The following OVCA2 variants were observed in gnomAD, a reference collection of about 807,000 sequenced individuals.
The protein encoded by OVCA2 is esterase OVCA2.
Under a neutral mutation model 10.1 loss-of-function variants are expected in OVCA2, and 14 were observed. The observed-to-expected ratio is 1.39, with a 90% CI of 0.92 to 2.17. The LOEUF (loss-of-function observed/expected upper bound fraction) is 2.17, where lower values mean the gene tolerates loss of function less well. Among genes scored for constraint, OVCA2 ranks in the 30% most tolerant of loss-of-function variants. The probability of loss-of-function intolerance (pLI) is 0.00; values close to 1 mark genes in which losing one functional copy is unlikely to be tolerated. For synonymous variants in OVCA2, 201 were observed against 134.1 expected (o/e 1.50, Z -3.45); for missense variants, 376 against 300.5 (o/e 1.25, Z -1.86).
Position 2,042,844 on chromosome 17 carries a change from C to G in OVCA2, c.424C>G (p.Pro142Ala). Residue 142 changes from proline to alanine, a missense_variant, in exon 2 of 2, where the codon CCA (proline) becomes GCA (alanine). Coordinates refer to ENST00000572195, the MANE Select transcript of OVCA2 (RefSeq NM_080822.3). ...GQAGDPRFPL[P>A]RFILLVSGFC... ...GGCAGGCGATCCCCGCTTCCCCTTG[C>G]CACGGTTTATCCTCTTGGTGTCTGG... 1 of 1,614,160 alleles carries G rather than the reference C, an allele frequency of 6.2e-7. No individual in the cohort carries two copies. Among genetic ancestry groups the G allele is most frequent in the Non-Finnish European group, 8.5e-7 (1 of 1,180,026 alleles).
intron 1 of OVCA2, 124 bp from the exon 2 acceptor site, chr17:2,042,481 C>G: frequency 7.2e-7 from 1 of 1,397,082 alleles, no homozygotes; most frequent in Non-Finnish European, 9.4e-7. Flanking sequence ...CTCATTTCCC[C>G]CAGACTTTTG....
rs1483308444 is a variant in OVCA2 at position 2,042,147 on chromosome 17, C to T, written c.100C>T (p.Arg34Trp). 3 of 1,521,606 alleles carry T rather than the reference C, an allele frequency of 2.0e-6. No homozygotes were observed. The highest frequency in any genetic ancestry group is 1.2e-5 in the South Asian group (1 of 82,500). The allele number at this position is 1,521,606 out of a possible 1,614,324, so 94.3% of individuals were successfully genotyped here. ...EKTGALRKAL[R>W]GRAELVCLSG... ...GACCGGGGCGCTGAGGAAGGCGCTG[C>T]GGGGTCGCGCCGAGCTCGTGTGCCT... Residue 34 changes from arginine to tryptophan, a missense_variant, in exon 1 of 2, where the codon CGG (arginine) becomes TGG (tryptophan). Physicochemically the swap from Arg to Trp is moderately radical, Grantham distance 101. Transcript: ENST00000572195.
Position 2,042,139 on chromosome 17 carries a change from A to G in OVCA2, c.92A>G (p.Lys31Arg). 6.5e-7 allele frequency: 1 copy of G among 1,545,828 alleles called. No homozygotes were observed. Among genetic ancestry groups the G allele is most frequent in the Non-Finnish European group, 8.7e-7 (1 of 1,155,662 alleles). ...GFREKTGALRKALRGRAELVC... is the reference protein window; with the variant it reads ...GFREKTGALRRALRGRAELVC... ...CGTGAGAAGACCGGGGCGCTGAGGA[A>G]GGCGCTGCGGGGTCGCGCCGAGCTC... The change falls in exon 1 of 2, where the codon AAG becomes AGG. Residue 31 changes from lysine (K) to arginine (R), a missense_variant. Lys to Arg is a conservative substitution (Grantham distance 26, BLOSUM62 2). Coordinates refer to ENST00000572195, the MANE Select transcript of OVCA2 (RefSeq NM_080822.3).
chr17:2,043,169 C>T lies in OVCA2; in HGVS notation c.*65C>T, dbSNP rs548384013. 9.8e-6 allele frequency: 15 copies of T among 1,536,880 alleles called. No individual in the cohort carries two copies. The Admixed American group carries it at 1.1e-4, about 11-fold the overall frequency. Reference sequence around the variant, plus strand: ...TAGGGGCAGCCTCCGTCATCCATGCCCTCCCAGGACCCTCCACTCACTGCT... The same window carrying T: ...TAGGGGCAGCCTCCGTCATCCATGCTCTCCCAGGACCCTCCACTCACTGCT... On this transcript the variant is annotated 3_prime_UTR_variant, in exon 2 of 2. Transcript: ENST00000572195.
Position 2,042,104 on chromosome 17 carries a change from G to A in OVCA2, c.57G>A (p.Glu19=). ...VLCLAGFRQS[E]RGFREKTGAL... ...GCCTGGCGGGCTTCCGGCAGAGCGA[G>A]CGGGGCTTCCGTGAGAAGACCGGGG... is the stretch of plus-strand genomic sequence containing the variant. The change falls in exon 1 of 2, where the codon GAG becomes GAA. Residue 19 remains glutamate (E), a synonymous_variant. Transcript: ENST00000572195. The A allele has an allele frequency of 6.4e-7, 1 of 1,569,608 alleles. No individual in the cohort carries two copies. The highest frequency in any genetic ancestry group is 1.4e-5 in the African/African-American group (1 of 72,758).
Position 2,042,667 on chromosome 17 carries a change from T to TTC in OVCA2, c.250_251dup (p.Ala85ProfsTer23), listed in dbSNP as rs769401985. The stretch of plus-strand genomic sequence containing the variant: ...GTTTTCAGAGCAGGAGGCCGACGTT[T>TTC]TCTCCGCATTGGAAGAGCCCGCCGT... On this transcript the variant is annotated frameshift_variant, in exon 2 of 2. Transcript: ENST00000572195. LOFTEE classifies it high-confidence loss of function. 13 of 1,524,680 alleles carry TTC rather than the reference T, an allele frequency of 8.5e-6. No individual in the cohort carries two copies. In the East Asian group the frequency reaches 2.9e-4, roughly 34 times the overall value. The allele number at this position is 1,524,680 out of a possible 1,614,324, so 94.4% of individuals were successfully genotyped here. A position where few individuals can be genotyped will look rare whatever the true frequency, so the allele number is the denominator to read the frequency against.
In OVCA2 at chr17:2,043,377, C is replaced by G; in HGVS notation, c.*273C>G. 2.4e-6 allele frequency: 1 copy of G among 420,038 alleles called. No individual in the cohort carries two copies. The highest frequency in any genetic ancestry group is 2.0e-5 in the African/African-American group (1 of 50,036). The allele number at this position is 420,038 out of a possible 1,614,324, so 26.0% of individuals were successfully genotyped here. On this transcript the variant is annotated 3_prime_UTR_variant, in exon 2 of 2. Transcript: ENST00000572195. Reference sequence around the variant, plus strand: ...GATTAGGAGGGTGACATGGGGAAGGCAGAGGCTGGCACCATGGTGACTGCC... The same window carrying G: ...GATTAGGAGGGTGACATGGGGAAGGGAGAGGCTGGCACCATGGTGACTGCC...
chr17:2,042,855 C>G lies in OVCA2; in HGVS notation c.435C>G (p.Ile145Met). The G allele has an allele frequency of 1.2e-6, 2 of 1,614,168 alleles. No homozygotes were observed. Among genetic ancestry groups the G allele is most frequent in the Non-Finnish European group, 1.7e-6 (2 of 1,180,022 alleles). Residue 145 changes from isoleucine to methionine, a missense_variant, in exon 2 of 2, where the codon ATC becomes ATG. Coordinates refer to ENST00000572195, the MANE Select transcript of OVCA2 (RefSeq NM_080822.3). The part of the protein sequence containing the change: ...GDPRFPLPRF[I>M]LLVSGFCPRG... The stretch of plus-strand genomic sequence containing the variant: ...CCCGCTTCCCCTTGCCACGGTTTAT[C>G]CTCTTGGTGTCTGGTTTCTGTCCCC...
intron 1 of OVCA2, 140 bp from the exon 2 acceptor site, chr17:2,042,465 C>G: frequency 1.5e-6 from 2 of 1,310,394 alleles, no homozygotes; most frequent in Non-Finnish European, 2.0e-6. Flanking sequence ...CACTCATTTC[C>G]CCCCTCTCAT....
In OVCA2 at chr17:2,042,632, G is replaced by C; in HGVS notation, c.212G>C (p.Arg71Pro). ...TCCTGCCCTCCGGAGGAGCAGCCTC[G>C]AGGCTGGTGGTTTTCAGAGCAGGAG... The part of the protein sequence containing the change: ...FGSCPPEEQP[R>P]GWWFSEQEAD... Residue 71 changes from arginine (R) to proline (P), a missense_variant, in exon 2 of 2, where the codon CGA becomes CCA. By Grantham distance (103) the Arg-to-Pro change is moderately radical (BLOSUM62 -2). Coordinates refer to ENST00000572195, the MANE Select transcript of OVCA2 (RefSeq NM_080822.3). The C allele has an allele frequency of 6.6e-7, 1 of 1,519,216 alleles. No homozygotes were observed. Among genetic ancestry groups the C allele is most frequent in the Non-Finnish European group, 8.8e-7 (1 of 1,136,382 alleles). 94.1% of individuals were successfully genotyped at this position (1,519,216 alleles called of 1,614,324 possible).
chr17:2,042,332 C>T (rs2151358041), intron 1 of OVCA2, 101 bp downstream of exon 1: 2 of 1,371,876 alleles, frequency 1.5e-6, no homozygotes, highest in South Asian at 1.6e-5. Context: ...CACCCGCATT[C>T]CTCCCACCCA....
Position 2,042,854 on chromosome 17 carries a change from T to C in OVCA2, c.434T>C (p.Ile145Thr). 4.3e-6 allele frequency: 7 copies of C among 1,614,142 alleles called. No homozygotes were observed. The South Asian group carries it at 7.7e-5, about 18-fold the overall frequency. ...GDPRFPLPRF[I>T]LLVSGFCPRG... ...CCCCGCTTCCCCTTGCCACGGTTTA[T>C]CCTCTTGGTGTCTGGTTTCTGTCCC... Residue 145 changes from isoleucine (I) to threonine (T), a missense_variant, in exon 2 of 2, where the codon ATC (isoleucine) becomes ACC (threonine). By Grantham distance (89) the Ile-to-Thr change is moderately conservative. Coordinates refer to ENST00000572195, the MANE Select transcript of OVCA2 (RefSeq NM_080822.3).
chr17:2,043,387 C>T lies in OVCA2; in HGVS notation c.*283C>T. On this transcript the variant is annotated 3_prime_UTR_variant, in exon 2 of 2. Transcript: ENST00000572195. ...GTGACATGGGGAAGGCAGAGGCTGGCACCATGGTGACTGCCACATAATAAA... is the reference window on the plus strand; with the variant it reads ...GTGACATGGGGAAGGCAGAGGCTGGTACCATGGTGACTGCCACATAATAAA... 1 of 388,460 alleles carries T rather than the reference C, an allele frequency of 2.6e-6. No individual in the cohort carries two copies. Among genetic ancestry groups the T allele is most frequent in the Non-Finnish European group, 4.6e-6 (1 of 216,238 alleles). The allele number at this position is 388,460 out of a possible 1,614,324, so 24.1% of individuals were successfully genotyped here.
Position 2,042,652 on chromosome 17 carries a change from C to T in OVCA2, c.232C>T (p.Gln78Ter), listed in dbSNP as rs1567550124. The change falls in exon 2 of 2, where the codon CAG (glutamine) becomes TAG (stop). Residue 78 changes from glutamine (Q) to a stop codon, truncating the protein, a stop_gained. Coordinates refer to ENST00000572195, the MANE Select transcript of OVCA2 (RefSeq NM_080822.3). LOFTEE classifies it high-confidence loss of function. Reference sequence around the variant, plus strand: ...GCCTCGAGGCTGGTGGTTTTCAGAGCAGGAGGCCGACGTTTTCTCCGCATT... The same window carrying T: ...GCCTCGAGGCTGGTGGTTTTCAGAGTAGGAGGCCGACGTTTTCTCCGCATT... ...EQPRGWWFSE[Q>*]EADVFSALEE... 4 of 1,524,338 alleles carry T rather than the reference C, an allele frequency of 2.6e-6. No individual in the cohort carries two copies. Among genetic ancestry groups the T allele is most frequent in the East Asian group, 2.3e-5 (1 of 44,252 alleles). The allele number at this position is 1,524,338 out of a possible 1,614,324, so 94.4% of individuals were successfully genotyped here. A position where few individuals can be genotyped will look rare whatever the true frequency, so the allele number is the denominator to read the frequency against.
At position 2,043,035 on chromosome 17, in the gene OVCA2, C is replaced by CCACTT; in HGVS notation, c.618_622dup (p.Ile208ThrfsTer54). On this transcript the variant is annotated frameshift_variant, in exon 2 of 2. Transcript: ENST00000572195. LOFTEE classifies it high-confidence loss of function. ...CCATCACCCTCACCCACTCTGGTGG[C>CCACTT]CACTTCATTCCAGCAGCTGCACCCC... 6.2e-7 allele frequency: 1 copy of CCACTT among 1,614,060 alleles called. No homozygotes were observed. Among genetic ancestry groups the CCACTT allele is most frequent in the Non-Finnish European group, 8.5e-7 (1 of 1,180,014 alleles).
In OVCA2 at chr17:2,043,215, C is replaced by G. The variant is rs1000201625; in HGVS notation, c.*111C>G. 27 of 1,306,782 alleles carry G rather than the reference C, an allele frequency of 2.1e-5. No homozygotes were observed. Among genetic ancestry groups the G allele is most frequent in the Non-Finnish European group, 2.8e-5 (27 of 952,192 alleles). The allele number at this position is 1,306,782 out of a possible 1,614,324, so 80.9% of individuals were successfully genotyped here. ...CTGCTGTGAGTGCGCCTCACCAGAA[C>G]CAGTTAAGAGACAACTATCAATTCT... is the stretch of plus-strand genomic sequence containing the variant. On this transcript the variant is annotated 3_prime_UTR_variant, in exon 2 of 2. Coordinates refer to ENST00000572195, the MANE Select transcript of OVCA2 (RefSeq NM_080822.3).
Position 2,042,952 on chromosome 17 carries a change from A to G in OVCA2, c.532A>G (p.Thr178Ala). The G allele has an allele frequency of 3.1e-6, 5 of 1,614,178 alleles. No homozygotes were observed. The highest frequency in any genetic ancestry group is 1.1e-5 in the South Asian group (1 of 91,086). Reference sequence around the variant, plus strand: ...GCCTTCGCTCCATGTTTTTGGGGACACTGACAAAGTCATCCCCTCTCAGGA... The same window carrying G: ...GCCTTCGCTCCATGTTTTTGGGGACGCTGACAAAGTCATCCCCTCTCAGGA... Reference protein sequence around the residue: ...SLPSLHVFGDTDKVIPSQESV... With the variant: ...SLPSLHVFGDADKVIPSQESV... Residue 178 changes from threonine (T) to alanine (A), a missense_variant, in exon 2 of 2, where the codon ACT becomes GCT. Physicochemically the swap from Thr to Ala is moderately conservative, Grantham distance 58 (BLOSUM62 0). Coordinates refer to ENST00000572195, the MANE Select transcript of OVCA2 (RefSeq NM_080822.3).
rs1436779781 is a variant in OVCA2 at position 2,042,847 on chromosome 17, CGGTTTATCCTCTT to C, written c.431_443del (p.Phe144CysfsTer112). 6.2e-6 allele frequency: 10 copies of C among 1,614,036 alleles called. No individual in the cohort carries two copies. Among genetic ancestry groups the C allele is most frequent in the Non-Finnish European group, 8.5e-6 (10 of 1,180,048 alleles). On this transcript the variant is annotated frameshift_variant, in exon 2 of 2. Transcript: ENST00000572195. LOFTEE classifies it high-confidence loss of function. ...AGGCGATCCCCGCTTCCCCTTGCCACGGTTTATCCTCTTGGTGTCTGGTTTCTGTCCCCGGGGC... is the reference window on the plus strand; with the variant it reads ...AGGCGATCCCCGCTTCCCCTTGCCACGGTGTCTGGTTTCTGTCCCCGGGGC...
intron 1 of OVCA2, 137 bp from the exon 2 acceptor site, chr17:2,042,468 C>G (rs557979321): frequency 2.3e-6 from 3 of 1,332,190 alleles, no homozygotes; most frequent in Admixed American, 3.0e-5. Context: ...TCATTTCCCC[C>G]CTCTCATTTC....
Sources: allele counts gnomAD v4.1 joint callset, GRCh38; gene constraint gnomAD v4.1.1; transcripts MANE v1.5; gene names NCBI Gene and HGNC (gene_info 2026-07-23, HGNC 2026-07-21).